The following DPY30 variants were observed in gnomAD, a reference collection of about 807,000 sequenced individuals.
DPY30 encodes protein dpy-30 homolog.
In DPY30, 6 loss-of-function variants were observed where a neutral mutation model predicts 16.2. That is an observed-to-expected ratio of 0.37 (90% confidence interval 0.20 to 0.73). The LOEUF (loss-of-function observed/expected upper bound fraction) is 0.73. Among genes scored for constraint, DPY30 ranks in the 30% least tolerant of loss-of-function variants. DPY30 has a pLI of 0.51. For synonymous variants in DPY30, 39 were observed against 38.8 expected (o/e 1.00, Z -0.02); for missense variants, 73 against 113.1 (o/e 0.65, Z 1.61).
chr2:32,022,354 C>A (rs1240477440), downstream of DPY30, among the ~76,000 whole-genome samples: 1 of 151,924 alleles, frequency 6.6e-6, no homozygotes, highest in East Asian at 1.9e-4. Flanking sequence ...ATAAGAAGAT[C>A]CCAGTATGTC....
Position 32,024,043 on chromosome 2 carries a change from T to C in DPY30, c.*141A>G. The stretch of plus-strand genomic sequence containing the variant: ...ATCAAAATAAGGGAAATATGTTATC[T>C]TCTGCAATTCCAGAAATAGGTTCTG... On this transcript the variant is annotated 3_prime_UTR_variant, in exon 5 of 5. Coordinates refer to ENST00000342166, the MANE Select transcript of DPY30 (RefSeq NM_001321209.2). The C allele has an allele frequency of 1.3e-6, 2 of 1,494,522 alleles. No individual in the cohort carries two copies. The highest frequency in any genetic ancestry group is 2.5e-5 in the East Asian group (1 of 40,146). 92.6% of individuals were successfully genotyped at this position (1,494,522 alleles called of 1,614,324 possible). A position where few individuals can be genotyped will look rare whatever the true frequency, so the allele number is the denominator to read the frequency against.
chr2:32,025,790 T>C (rs1429862201), intron 4 of DPY30, among the ~76,000 whole-genome samples: 2 of 143,650 alleles, frequency 1.4e-5, no homozygotes, highest in East Asian at 4.2e-4. Flanking sequence ...AAACCGTACT[T>C]GGGCCGGGGG....
At chr2:32,032,864 C>T (rs967008775) in intron 3 of DPY30, among the ~76,000 whole-genome samples, 1 of 151,790 alleles carries the variant, frequency 6.6e-6, no homozygotes, top group African/African-American at 2.4e-5. Context: ...GGCATGGTGG[C>T]AGGCGCCAGT....
At chr2:32,017,840 A>G (rs1225051437) in intron 5 of DPY30, among the ~76,000 whole-genome samples, 1 of 152,178 alleles carries the variant, frequency 6.6e-6, no homozygotes, top group Non-Finnish European at 1.5e-5. Context: ...CCAAATTCAT[A>G]TGTTGAAATC....
chr2:32,013,213 GTTC>G (rs1675003628), intron 5 of DPY30: 1 of 152,138 alleles, frequency 6.6e-6, no homozygotes, highest in Non-Finnish European at 1.5e-5. Flanking sequence ...ATAAATATTT[GTTC>G]TTATTATTAT....
At chr2:32,034,003 A>G (rs985959014) in intron 3 of DPY30, among the ~76,000 whole-genome samples, 3 of 152,008 alleles carry the variant, frequency 2.0e-5, no homozygotes, top group Non-Finnish European at 4.4e-5. Context: ...GAACTTGAAC[A>G]GAGCCTAGTA....
At chr2:32,018,583 C>T (rs1047455070) in intron 5 of DPY30, among the ~76,000 whole-genome samples, 12 of 152,148 alleles carry the variant, frequency 7.9e-5, no homozygotes, top group Non-Finnish European at 1.2e-4. Context: ...AAAAATTAGC[C>T]GGGCATGGTG....
At chr2:32,032,681 G>C (rs1254901141) in intron 3 of DPY30, among the ~76,000 whole-genome samples, 2 of 152,120 alleles carry the variant, frequency 1.3e-5, no homozygotes, top group Non-Finnish European at 2.9e-5. Flanking sequence ...GCAACATAGT[G>C]AGACCCTGTT....
chr2:32,025,976 C>T (rs952350634), intron 4 of DPY30, among the ~76,000 whole-genome samples: 4 of 151,848 alleles, frequency 2.6e-5, no homozygotes, highest in African/African-American at 9.7e-5. Flanking sequence ...GGCGTGGTGG[C>T]GCACACCTGT....
At chr2:32,031,415 CAA>C (rs1372015025) in intron 3 of DPY30, among the ~76,000 whole-genome samples, 1 of 133,056 alleles carries the variant, frequency 7.5e-6, no homozygotes, top group Non-Finnish European at 1.6e-5. Flanking sequence ...GACTCCGTCT[CAA>C]AAAAAAAAAG....
intron 4 of DPY30, among the ~76,000 whole-genome samples, chr2:32,028,964 A>T (rs1376272984): frequency 6.6e-6 from 1 of 150,988 alleles, no homozygotes; most frequent in Non-Finnish European, 1.5e-5. Flanking sequence ...ACTCTGTCTC[A>T]AAAAAAAATA....
At chr2:32,017,708 A>G (rs1675091482) in intron 5 of DPY30, among the ~76,000 whole-genome samples, 2 of 152,172 alleles carry the variant, frequency 1.3e-5, no homozygotes, top group Non-Finnish European at 2.9e-5. Context: ...ATGTTCTCCA[A>G]CTTATTTATA....
chr2:32,018,870 A>G (rs1675112104), intron 5 of DPY30, among the ~76,000 whole-genome samples: 1 of 148,440 alleles, frequency 6.7e-6, no homozygotes, highest in Admixed American at 6.7e-5. Flanking sequence ...AATACAAAAA[A>G]AGCAAATTAG....
intron 3 of DPY30, among the ~76,000 whole-genome samples, chr2:32,030,853 A>G (rs1675512952): frequency 6.6e-6 from 1 of 152,108 alleles, no homozygotes; most frequent in Admixed American, 6.6e-5. Flanking sequence ...AAGAAAATAC[A>G]TTATGTAAAT....
At chr2:32,021,400 G>A (rs763215420), downstream of DPY30, among the ~76,000 whole-genome samples, 2 of 151,958 alleles carry the variant, frequency 1.3e-5, no homozygotes, top group Admixed American at 1.3e-4. Flanking sequence ...TTGTCAGGCC[G>A]GACACGGTGG....
intron 3 of DPY30, among the ~76,000 whole-genome samples, chr2:32,031,976 T>TAAGAGCACTTAGGA (rs931592484): frequency 1.3e-5 from 2 of 151,890 alleles, no homozygotes; most frequent in African/African-American, 4.8e-5. Context: ...ACAGTATTCC[T>TAAGAGCACTTAGGA]AAGAGCACTT....
At chr2:32,033,202 G>A (rs185561360) in intron 3 of DPY30, among the ~76,000 whole-genome samples, 2,203 of 152,068 alleles carry the variant, frequency 0.014, 16 homozygotes, top group South Asian at 0.026. Flanking sequence ...CAGGCACTCG[G>A]GAGGCTGAGG....
intron 5 of DPY30, among the ~76,000 whole-genome samples, chr2:32,015,519 T>C (rs1675047975): frequency 6.6e-6 from 1 of 152,114 alleles, no homozygotes; most frequent in Admixed American, 6.6e-5. Flanking sequence ...TATTTATTAA[T>C]ATTTAGGACT....
chr2:32,038,769 A>AC (rs1323564458), intron 3 of DPY30, among the ~76,000 whole-genome samples: 1 of 144,994 alleles, frequency 6.9e-6, no homozygotes, highest in African/African-American at 2.6e-5. Flanking sequence ...GGCCTCAGCC[A>AC]CCCGAACAGA....
Sources: allele counts gnomAD v4.1 joint callset (sites outside exome capture counted in the v4.1 genomes callset), GRCh38; gene constraint gnomAD v4.1.1; transcripts MANE v1.5; gene names NCBI Gene and HGNC (gene_info 2026-07-23, HGNC 2026-07-21).